Variants in RNF13 observed in about 807,000 individuals in gnomAD.
RNF13 encodes ring finger protein 13, also known as E3 ubiquitin-protein ligase RNF13.
RNF13 carries 19 observed loss-of-function variants against 37.7 expected under a neutral mutation model. The ratio of observed to expected loss-of-function variants is 0.50; its 90% confidence interval spans 0.35 to 0.74. The LOEUF is 0.74. RNF13 is among the 30% of genes least tolerant of loss of function. The pLI, the probability that RNF13 is intolerant of heterozygous loss-of-function variation, is 0.01. For missense variants in RNF13, 375 were observed against 453.0 expected (o/e 0.83, Z 1.56); for synonymous variants, 144 against 157.8 (o/e 0.91, Z 0.65).
In RNF13 at chr3:149,867,855, C is replaced by T. The variant is rs534133623; in HGVS notation, c.196-4174C>T. On this transcript the variant is annotated intron_variant, in intron 3 of 9. Coordinates refer to ENST00000392894, the MANE Select transcript of RNF13 (RefSeq NM_183381.3). ...TTTTTGTATTGTAATTTTTCTCTTC[C>T]TTTCTTACTGTCTTCCTTTGTGGTT... Among the ~76,000 whole-genome samples, 4 of 151,778 alleles carry T rather than the reference C, an allele frequency of 2.6e-5. No individual in the cohort carries two copies. The East Asian group carries it at 5.8e-4, about 22-fold the overall frequency.
chr3:149,826,907 C>T (rs1380759598), intron 1 of RNF13, among the ~76,000 whole-genome samples: 1 of 152,142 alleles, frequency 6.6e-6, no homozygotes, highest in Non-Finnish European at 1.5e-5. Flanking sequence ...CTTGTGCATG[C>T]CACTATGCCT....
intron 3 of RNF13, among the ~76,000 whole-genome samples, chr3:149,860,199 A>T (rs2108410929): frequency 6.8e-6 from 1 of 147,386 alleles, no homozygotes; most frequent in South Asian, 2.2e-4. Flanking sequence ...TGCAGGTTGC[A>T]GTGAGCTGAG....
intron 1 of RNF13, among the ~76,000 whole-genome samples, chr3:149,819,327 T>C (rs1284432838): frequency 1.3e-5 from 2 of 152,248 alleles, no homozygotes; most frequent in East Asian, 3.8e-4. Flanking sequence ...GATTACATTG[T>C]AATTTTTTAA....
intron 1 of RNF13, among the ~76,000 whole-genome samples, chr3:149,845,204 A>G (rs1722530739): frequency 6.6e-6 from 1 of 152,102 alleles, no homozygotes; most frequent in Non-Finnish European, 1.5e-5. Flanking sequence ...CATCATCAAA[A>G]CGGATATTAC....
At chr3:149,907,603 G>A (rs1240570660) in intron 6 of RNF13, among the ~76,000 whole-genome samples, 1 of 152,178 alleles carries the variant, frequency 6.6e-6, no homozygotes, top group African/African-American at 2.4e-5. Flanking sequence ...CTTGTTAGCT[G>A]TGTGATCTTC....
At chr3:149,902,016 T>G in intron 5 of RNF13, 56 bp from the exon 6 acceptor site, 1 of 741,888 alleles carries the variant, frequency 1.3e-6, no homozygotes, top group Non-Finnish European at 2.1e-6. Flanking sequence ...TGAAGAAAAG[T>G]TGATTATACA....
At chr3:149,957,589 A>T (rs1395167744) in intron 8 of RNF13, among the ~76,000 whole-genome samples, 1 of 152,190 alleles carries the variant, frequency 6.6e-6, no homozygotes, top group Non-Finnish European at 1.5e-5. Context: ...GTTGGGACAA[A>T]AGCATAAGGT....
chr3:149,900,831 G>A (rs189644683), intron 5 of RNF13, among the ~76,000 whole-genome samples: 96 of 152,008 alleles, frequency 6.3e-4, no homozygotes, highest in African/African-American at 1.9e-3. Flanking sequence ...GTGTATGTGC[G>A]CGCATGTGTG....
Position 149,937,809 on chromosome 3 carries a change from T to C in RNF13, c.700+16582T>C, listed in dbSNP as rs887327782. ...CTGCATGGTAATATTGTAAGACTTA[T>C]TTTTAAAAAATAAAGTATACTTTAT... On this transcript the variant is annotated intron_variant, in intron 8 of 9. Coordinates refer to ENST00000392894, the MANE Select transcript of RNF13 (RefSeq NM_183381.3). Among the ~76,000 whole-genome samples the C allele has an allele frequency of 1.7e-4, 26 of 152,246 alleles. No individual in the cohort carries two copies. The East Asian group carries it at 3.7e-3, about 21-fold the overall frequency.
At chr3:149,902,345 A>G (rs555895871) in intron 6 of RNF13, among the ~76,000 whole-genome samples, 183 bp downstream of exon 6, 1 of 152,000 alleles carries the variant, frequency 6.6e-6, no homozygotes, top group Non-Finnish European at 1.5e-5. Context: ...TTTTCTTTGT[A>G]TGATTATGTT....
At chr3:149,856,849 G>A (rs951098658) in intron 3 of RNF13, among the ~76,000 whole-genome samples, 12 of 152,262 alleles carry the variant, frequency 7.9e-5, no homozygotes, top group Admixed American at 5.2e-4. Flanking sequence ...CTGGGTTCAC[G>A]CCATTCTCCT....
intron 4 of RNF13, among the ~76,000 whole-genome samples, chr3:149,878,604 T>TC (rs1713025067): frequency 6.6e-6 from 1 of 152,230 alleles, no homozygotes. Flanking sequence ...ACATTCACAA[T>TC]CTGAATCCTC....
chr3:149,940,517 G>C (rs936717419), intron 8 of RNF13, among the ~76,000 whole-genome samples: 4 of 151,968 alleles, frequency 2.6e-5, no homozygotes, highest in African/African-American at 9.7e-5. Context: ...TCTCCTCCAG[G>C]ATGTTTACTT....
At chr3:149,948,802 G>A (rs1325741426) in intron 8 of RNF13, among the ~76,000 whole-genome samples, 3 of 152,182 alleles carry the variant, frequency 2.0e-5, no homozygotes, top group East Asian at 1.9e-4. Flanking sequence ...CAAGGTGGGC[G>A]GATCACTTGA....
intron 1 of RNF13, chr3:149,822,702 A>G (rs1456833606): frequency 2.0e-5 from 3 of 152,114 alleles, no homozygotes; most frequent in Non-Finnish European, 2.9e-5. Flanking sequence ...GGTCATTATT[A>G]AAGAAGGTAG....
intron 4 of RNF13, among the ~76,000 whole-genome samples, chr3:149,886,442 C>G (rs949742443): frequency 1.3e-5 from 2 of 151,918 alleles, no homozygotes; most frequent in African/African-American, 4.8e-5. Context: ...GTATATTGAT[C>G]TTGTATCCTG....
At chr3:149,855,634 G>A (rs1391545525) in intron 3 of RNF13, among the ~76,000 whole-genome samples, 1 of 150,914 alleles carries the variant, frequency 6.6e-6, no homozygotes, top group Non-Finnish European at 1.5e-5. Context: ...ATATATATAT[G>A]TATTTTTTTT....
intron 2 of RNF13, among the ~76,000 whole-genome samples, chr3:149,846,653 C>T (rs563041337): frequency 1.8e-4 from 27 of 152,140 alleles, no homozygotes; most frequent in Non-Finnish European, 3.5e-4. Context: ...ATCTCATGAA[C>T]AATCAGTACC....
intron 8 of RNF13, among the ~76,000 whole-genome samples, chr3:149,928,004 CT>C (rs766839142): frequency 0.096 from 10,620 of 111,164 alleles, 245 homozygotes; most frequent in African/African-American, 0.13. Context: ...AAGCAAAAAC[CT>C]TTTTTTTTTT....
Sources: gnomAD v4.1 joint callset for allele counts (sites outside exome capture counted in the v4.1 genomes callset) on GRCh38, gnomAD v4.1.1 for gene constraint, MANE v1.5 for transcripts, NCBI Gene and HGNC (gene_info 2026-07-23, HGNC 2026-07-21) for gene names.